The following RRBP1 variants were observed in gnomAD, a reference collection of about 807,000 sequenced individuals.
RRBP1 encodes ribosome binding protein 1, also known as ribosome-binding protein 1.
In RRBP1, 94 loss-of-function variants were observed where a neutral mutation model predicts 165.2. That is an observed-to-expected ratio of 0.57 (90% CI 0.48 to 0.68). The LOEUF (loss-of-function observed/expected upper bound fraction) is 0.68. Among genes scored for constraint, RRBP1 ranks in the 30% least tolerant of loss-of-function variants. The probability of loss-of-function intolerance (pLI) is 0.00; values close to 1 mark genes in which losing one functional copy is unlikely to be tolerated. For missense variants in RRBP1, 1,676 were observed against 1,763.0 expected (o/e 0.95, Z 0.88); for synonymous variants, 680 against 714.5 (o/e 0.95, Z 0.77).
rs891121859 is a variant in RRBP1 at position 17,615,379 on chromosome 20, C to T, written c.4050+52G>A. 4.2e-6 allele frequency: 6 copies of T among 1,440,450 alleles called. No homozygotes were observed. In the Admixed American group the frequency reaches 1.1e-4, roughly 27 times the overall value. 89.2% of individuals were successfully genotyped at this position (1,440,450 alleles called of 1,614,324 possible). On this transcript the variant is annotated intron_variant, in intron 23 of 24. Coordinates refer to ENST00000377813, the MANE Select transcript of RRBP1 (RefSeq NM_001365613.2). ...CCCTTTCCGAGGCCAAGAGTGGCGCCAGCCCCAGAGCAGACCCTCCAGGTG... is the reference window on the plus strand; with the variant it reads ...CCCTTTCCGAGGCCAAGAGTGGCGCTAGCCCCAGAGCAGACCCTCCAGGTG...
intron 9 of RRBP1, among the ~76,000 whole-genome samples, chr20:17,629,251 C>T (rs2074522717): frequency 6.6e-6 from 1 of 152,214 alleles, no homozygotes; most frequent in Non-Finnish European, 1.5e-5. Flanking sequence ...GCCAGTGAGC[C>T]AAGGGCCACG....
chr20:17,660,754 C>T (rs1346000266), intron 2 of RRBP1, among the ~76,000 whole-genome samples: 1 of 152,178 alleles, frequency 6.6e-6, no homozygotes, highest in African/African-American at 2.4e-5. Flanking sequence ...TACAAAGCAA[C>T]AGCAGAGTCA....
At chr20:17,620,398 G>A in intron 17 of RRBP1, 28 bp from the exon 18 acceptor site, 1 of 1,592,400 alleles carries the variant, frequency 6.3e-7, no homozygotes, top group Non-Finnish European at 8.6e-7. Flanking sequence ...GGCTCCGTCA[G>A]ACACGAGCAC....
chr20:17,628,626 T>C (rs1224736495), intron 9 of RRBP1, among the ~76,000 whole-genome samples: 2 of 152,240 alleles, frequency 1.3e-5, no homozygotes, highest in African/African-American at 2.4e-5. Context: ...GACCTGGCCC[T>C]GCCCCGCCAC....
chr20:17,675,932 G>A (rs2037073156), intron 2 of RRBP1, among the ~76,000 whole-genome samples: 3 of 152,214 alleles, frequency 2.0e-5, no homozygotes, highest in Admixed American at 6.5e-5. Context: ...AGCAGGCTGG[G>A]CATGCTGGCT....
At position 17,620,782 on chromosome 20, in the gene RRBP1, T is replaced by C; in HGVS notation, c.3440A>G (p.Lys1147Arg). ...CACCTGCTCCTCCTCCTCCACGCTC[T>C]TCTGCAGGTCTCTGAGCATGCCCTC... ...ETEGMLRDLQKSVEEEEQVWR... is the reference protein window; with the variant it reads ...ETEGMLRDLQRSVEEEEQVWR... The change falls in exon 17 of 25, where the codon AAG becomes AGG. Residue 1147 changes from lysine to arginine, a missense_variant. Coordinates refer to ENST00000377813, the MANE Select transcript of RRBP1 (RefSeq NM_001365613.2). 1 of 1,608,486 alleles carries C rather than the reference T, an allele frequency of 6.2e-7. No homozygotes were observed. Among genetic ancestry groups the C allele is most frequent in the East Asian group, 2.2e-5 (1 of 44,860 alleles).
At chr20:17,641,646 G>T in intron 5 of RRBP1, 151 bp downstream of exon 5, 1 of 947,268 alleles carries the variant, frequency 1.1e-6, no homozygotes, top group Non-Finnish European at 1.6e-6. Flanking sequence ...TTAGGCAGCA[G>T]ATAAGCAGCA....
Position 17,641,851 on chromosome 20 carries a change from G to GGCCA in RRBP1, c.2126_2129dup (p.Thr711GlyfsTer140). 1 of 1,614,038 alleles carries GGCCA rather than the reference G, an allele frequency of 6.2e-7. No homozygotes were observed. The highest frequency in any genetic ancestry group is 8.5e-7 in the Non-Finnish European group (1 of 1,179,996). ...CGACAGCCGCATCTTCCTGTTCTGT[G>GGCCA]GCCAGCAGTTTTTCCTTCTCTTCCA... On this transcript the variant is annotated frameshift_variant, in exon 5 of 25. Transcript: ENST00000377813. LOFTEE classifies it high-confidence loss of function.
At chr20:17,644,800 A>C (rs1339414237) in intron 3 of RRBP1, among the ~76,000 whole-genome samples, 1 of 152,276 alleles carries the variant, frequency 6.6e-6, no homozygotes, top group African/African-American at 2.4e-5. Context: ...TATGAAAAAA[A>C]AAGAATGTGA....
At chr20:17,620,529 T>A in intron 17 of RRBP1, 159 bp from the exon 18 acceptor site, 5 of 826,340 alleles carry the variant, frequency 6.1e-6, no homozygotes, top group Non-Finnish European at 1.0e-5. Context: ...TCTGGCAGTG[T>A]CTTCCTAGGC....
chr20:17,635,721 C>G, intron 6 of RRBP1, 57 bp from the exon 7 acceptor site: 1 of 1,331,410 alleles, frequency 7.5e-7, no homozygotes, highest in Admixed American at 1.7e-5. Context: ...ACAGAACTGA[C>G]TTCTGAGCAG....
At position 17,621,675 on chromosome 20, in the gene RRBP1, G is replaced by C. The variant is rs1174387266; in HGVS notation, c.3324+15C>G. 1.9e-6 allele frequency: 3 copies of C among 1,612,436 alleles called. No individual in the cohort carries two copies. Among genetic ancestry groups the C allele is most frequent in the Non-Finnish European group, 2.5e-6 (3 of 1,179,292 alleles). ...GGAGCCCAACAGAGGAGCCTTGCCA[G>C]GCAGCCACACTTACCGAGGAGGGCT... On this transcript the variant is annotated intron_variant, in intron 15 of 24. Transcript: ENST00000377813.
chr20:17,666,379 G>A (rs1482996462), intron 2 of RRBP1, among the ~76,000 whole-genome samples: 2 of 151,354 alleles, frequency 1.3e-5, no homozygotes, highest in Non-Finnish European at 2.9e-5. Context: ...ACTTCTATAA[G>A]ATTTTAATGA....
chr20:17,639,478 T>C (rs978511092), intron 5 of RRBP1, among the ~76,000 whole-genome samples: 7 of 152,186 alleles, frequency 4.6e-5, no homozygotes, highest in African/African-American at 1.4e-4. Flanking sequence ...AAACATAGGT[T>C]CCATCCATCT....
chr20:17,639,878 A>C (rs2036317494), intron 5 of RRBP1, among the ~76,000 whole-genome samples: 1 of 144,212 alleles, frequency 6.9e-6, no homozygotes, highest in South Asian at 2.3e-4. Context: ...GGGCAATAAC[A>C]GTGAAACTCC....
chr20:17,651,788 G>T (rs986779152), intron 3 of RRBP1, among the ~76,000 whole-genome samples: 1 of 152,250 alleles, frequency 6.6e-6, no homozygotes, highest in Non-Finnish European at 1.5e-5. Flanking sequence ...TAAAAGGCAA[G>T]GATTAGGAAG....
rs149981708 is a variant in RRBP1, at chr20:17,649,162, T to C, written c.1913-6035A>G. ...TCCACAGAAAGTGAATAAAGGGTCA[T>C]AAGCCCCAGAGAGTTTTCTTCAGAG... On this transcript the variant is annotated intron_variant, in intron 3 of 24. Coordinates refer to ENST00000377813, the MANE Select transcript of RRBP1 (RefSeq NM_001365613.2). 3.2e-4 allele frequency among the ~76,000 whole-genome samples: 49 copies of C among 152,342 alleles called. No individual in the cohort carries two copies. In the East Asian group the frequency reaches 8.7e-3, roughly 27 times the overall value.
rs771926707 is a variant in RRBP1, at chr20:17,620,810, G to T, written c.3415-3C>A. On this transcript the variant is annotated splice_region_variant and splice_polypyrimidine_tract_variant and intron_variant, in intron 16 of 24. Coordinates refer to ENST00000377813, the MANE Select transcript of RRBP1 (RefSeq NM_001365613.2). ...TGCAGGTCTCTGAGCATGCCCTCCT[G>T]GGGGGAAACCGAGGTGAGGCAGGGC... 1.1e-5 allele frequency: 17 copies of T among 1,598,872 alleles called. 1 individual carries two copies. The Middle Eastern group carries it at 1.5e-3, about 140-fold the overall frequency.
intron 2 of RRBP1, among the ~76,000 whole-genome samples, chr20:17,668,841 CA>C (rs1050879815): frequency 8.5e-5 from 13 of 152,336 alleles, no homozygotes; most frequent in Admixed American, 8.5e-4. Context: ...CAGCTCACTG[CA>C]GGTCCCAGTC....
Sources: allele counts gnomAD v4.1 joint callset (sites outside exome capture counted in the v4.1 genomes callset), GRCh38; gene constraint gnomAD v4.1.1; transcripts MANE v1.5; gene names NCBI Gene and HGNC (gene_info 2026-07-23, HGNC 2026-07-21).